Variants in CAMKMT observed in about 807,000 individuals in gnomAD.
The protein encoded by CAMKMT is calmodulin-lysine N-methyltransferase.
A neutral mutation model predicts 48.0 loss-of-function variants in CAMKMT; 53 were observed. That is an observed-to-expected ratio of 1.10 (90% CI 0.89 to 1.39). The LOEUF (loss-of-function observed/expected upper bound fraction) is 1.39, where lower values mean the gene tolerates loss of function less well. Among genes scored for constraint, CAMKMT ranks in the 40% most tolerant of loss-of-function variants. The pLI is 0.00. For missense variants in CAMKMT, 428 were observed against 402.7 expected, an observed-to-expected ratio of 1.06 and a Z score of -0.54; for synonymous variants, 165 against 152.3, an observed-to-expected ratio of 1.08 and a Z score of -0.61.
chr2:44,662,033 T>C (rs1674705771), intron 3 of CAMKMT, among the ~76,000 whole-genome samples: 1 of 152,184 alleles, frequency 6.6e-6, no homozygotes, highest in Non-Finnish European at 1.5e-5. Flanking sequence ...CCCTCATGAT[T>C]TGGGACAGCT....
chr2:44,675,052 A>G (rs970776953), intron 3 of CAMKMT, among the ~76,000 whole-genome samples: 1 of 151,410 alleles, frequency 6.6e-6, no homozygotes, highest in Non-Finnish European at 1.5e-5. Flanking sequence ...TCTGTTTGCA[A>G]ACATGCTCGG....
At chr2:44,386,489 TTTG>T (rs903549658) in intron 2 of CAMKMT, among the ~76,000 whole-genome samples, 6 of 152,196 alleles carry the variant, frequency 3.9e-5, no homozygotes, top group Middle Eastern at 6.8e-3. Context: ...TCTTTTGTAT[TTTG>T]TTGTTGTTGT....
chr2:44,708,362 C>T (rs1193334762), intron 6 of CAMKMT, among the ~76,000 whole-genome samples: 4 of 151,448 alleles, frequency 2.6e-5, no homozygotes, highest in East Asian at 1.9e-4. Context: ...TTTTCTTTTT[C>T]GACTTCTGCC....
intron 3 of CAMKMT, among the ~76,000 whole-genome samples, chr2:44,586,082 C>T (rs568729784): frequency 2.0e-5 from 3 of 152,186 alleles, no homozygotes; most frequent in East Asian, 1.9e-4. Flanking sequence ...CTCTTCAAAT[C>T]GTACAGAGGT....
chr2:44,521,454 A>C (rs1671105475), intron 3 of CAMKMT, among the ~76,000 whole-genome samples: 1 of 151,720 alleles, frequency 6.6e-6, no homozygotes, highest in Non-Finnish European at 1.5e-5. Context: ...AATGTTTTGT[A>C]TTTTTTAGTA....
intron 3 of CAMKMT, among the ~76,000 whole-genome samples, chr2:44,458,329 G>A (rs1465668610): frequency 6.6e-6 from 1 of 152,134 alleles, no homozygotes. Context: ...TAACAGGTGT[G>A]AGCCACTGCG....
intron 3 of CAMKMT, among the ~76,000 whole-genome samples, chr2:44,512,417 T>C (rs753618962): frequency 2.8e-4 from 43 of 152,222 alleles, no homozygotes; most frequent in Non-Finnish European, 7.3e-5. Context: ...CAGCCATTAT[T>C]ATTATTTTCT....
intron 10 of CAMKMT, among the ~76,000 whole-genome samples, chr2:44,768,361 A>ATATTTTTT (rs35058824): frequency 1.4e-4 from 16 of 115,728 alleles, no homozygotes; most frequent in Non-Finnish European, 2.0e-4. Flanking sequence ...ATATATATAT[A>ATATTTTTT]TTTTTTTTTT....
At chr2:44,561,596 A>G (rs974497599) in intron 3 of CAMKMT, among the ~76,000 whole-genome samples, 3 of 152,268 alleles carry the variant, frequency 2.0e-5, no homozygotes, top group African/African-American at 4.8e-5. Context: ...CTCTCAATCA[A>G]TTCAGCTAGT....
At chr2:44,632,714 G>T (rs1259495246) in intron 3 of CAMKMT, among the ~76,000 whole-genome samples, 5 of 152,160 alleles carry the variant, frequency 3.3e-5, no homozygotes, top group Non-Finnish European at 5.9e-5. Context: ...GGGAAAGGCA[G>T]ACTCCCTTTA....
chr2:44,772,037 T>C lies in CAMKMT; in HGVS notation c.896T>C (p.Leu299Ser). The change falls in exon 11 of 11, where the codon TTG becomes TCG. Residue 299 changes from leucine (L) to serine (S), a missense_variant and splice_region_variant. By Grantham distance (145) the Leu-to-Ser change is moderately radical. Transcript: ENST00000378494. ...DEHISNFHSK[L>S]KKENPDIYEE... ...TTTTCTTTCTATTATTGTTTTCAGTTGAAAAAGGAAAACCCGGACATATAT... is the reference window on the plus strand; with the variant it reads ...TTTTCTTTCTATTATTGTTTTCAGTCGAAAAAGGAAAACCCGGACATATAT... The C allele has an allele frequency of 1.9e-6, 3 of 1,611,228 alleles. No individual in the cohort carries two copies. The highest frequency in any genetic ancestry group is 2.5e-6 in the Non-Finnish European group (3 of 1,178,118).
intron 9 of CAMKMT, among the ~76,000 whole-genome samples, chr2:44,766,006 C>A (rs1227831100): frequency 6.6e-6 from 1 of 152,150 alleles, no homozygotes; most frequent in African/African-American, 2.4e-5. Flanking sequence ...CAGATGTAAG[C>A]ATCTGTTGTC....
rs1674423796 is a variant in CAMKMT, at chr2:44,657,146, G to T, written c.377-47137G>T. Among the ~76,000 whole-genome samples, 1 of 152,190 alleles carries T rather than the reference G, an allele frequency of 6.6e-6. No homozygotes were observed. The highest frequency in any genetic ancestry group is 3.2e-3 in the Middle Eastern group (1 of 316). On this transcript the variant is annotated intron_variant, in intron 3 of 10. Transcript: ENST00000378494. The surrounding 1 kb of genome is among the most constrained non-coding windows in gnomAD (Gnocchi z 4.3). Reference sequence around the variant, plus strand: ...TGCTGGTCAGAGTGCAGCCCCACCTGAAATCCAGTTTGTATGAGAGCCATA... The same window carrying T: ...TGCTGGTCAGAGTGCAGCCCCACCTTAAATCCAGTTTGTATGAGAGCCATA...
chr2:44,556,842 C>T lies in CAMKMT; in HGVS notation c.377-147441C>T, dbSNP rs1668041925. On this transcript the variant is annotated intron_variant, in intron 3 of 10. Transcript: ENST00000378494. ...CCTGTAATCCTAGCACTTTGGGAGG[C>T]CGAAGCAGGAGGATCCCTTGAACCC... 7.3e-5 allele frequency among the ~76,000 whole-genome samples: 11 copies of T among 151,670 alleles called. No homozygotes were observed. In the South Asian group the frequency reaches 2.1e-3, roughly 29 times the overall value.
chr2:44,699,686 A>G (rs1677154680), intron 3 of CAMKMT, among the ~76,000 whole-genome samples: 1 of 152,058 alleles, frequency 6.6e-6, no homozygotes, highest in Non-Finnish European at 1.5e-5. Context: ...AGCCCACTAC[A>G]GCCTCCAGCT....
At chr2:44,646,353 A>G (rs1285636019) in intron 3 of CAMKMT, among the ~76,000 whole-genome samples, 1 of 151,642 alleles carries the variant, frequency 6.6e-6, no homozygotes, top group Non-Finnish European at 1.5e-5. Context: ...ATTGAATTCT[A>G]TACTGGTTCT....
At chr2:44,555,211 A>G (rs1667942225) in intron 3 of CAMKMT, among the ~76,000 whole-genome samples, 1 of 152,128 alleles carries the variant, frequency 6.6e-6, no homozygotes, top group African/African-American at 2.4e-5. Flanking sequence ...TGGAGGATGG[A>G]TTGGAGTAGG....
chr2:44,545,359 T>A (rs1344114855), intron 3 of CAMKMT, among the ~76,000 whole-genome samples: 1 of 152,172 alleles, frequency 6.6e-6, no homozygotes, highest in African/African-American at 2.4e-5. Flanking sequence ...CCCAAGTATA[T>A]CCATCTTTTA....
intron 3 of CAMKMT, among the ~76,000 whole-genome samples, chr2:44,485,525 A>C (rs1669173085): frequency 6.6e-6 from 1 of 152,162 alleles, no homozygotes; most frequent in African/African-American, 2.4e-5. Flanking sequence ...TTGTTGTGCG[A>C]ACATCATAGA....
Sources: allele counts gnomAD v4.1 joint callset (sites outside exome capture counted in the v4.1 genomes callset), GRCh38; gene constraint gnomAD v4.1.1; non-coding constraint Gnocchi (gnomAD v3.1); transcripts MANE v1.5; gene names NCBI Gene and HGNC (gene_info 2026-07-23, HGNC 2026-07-21).